Variants in CNTN4 observed in about 807,000 individuals in gnomAD.
CNTN4 encodes the protein contactin 4.
In CNTN4, 77 loss-of-function variants were observed where a neutral mutation model predicts 122.5. The ratio of observed to expected loss-of-function variants is 0.63; its 90% CI spans 0.52 to 0.76. The LOEUF (loss-of-function observed/expected upper bound fraction) is 0.76, where lower values mean the gene tolerates loss of function less well. Among genes scored for constraint, CNTN4 ranks in the 30% least tolerant of loss-of-function variants. CNTN4 has a pLI of 0.00. For missense variants in CNTN4, 1,256 were observed against 1,259.1 expected, an observed-to-expected ratio of 1.00 and a Z score of 0.04; for synonymous variants, 512 against 447.0, an observed-to-expected ratio of 1.15 and a Z score of -1.83.
At chr3:2,995,226 T>G (rs1695426992) in intron 14 of CNTN4, among the ~76,000 whole-genome samples, 1 of 151,948 alleles carries the variant, frequency 6.6e-6, no homozygotes, top group Middle Eastern at 3.2e-3. Flanking sequence ...TAATTGTGCA[T>G]CTTGTTCTTC....
chr3:2,230,392 A>C (rs2039439563), intron 2 of CNTN4, among the ~76,000 whole-genome samples: 1 of 152,230 alleles, frequency 6.6e-6, no homozygotes, highest in African/African-American at 2.4e-5. Flanking sequence ...AGAGGGACTC[A>C]GAAGGTTTAG....
intron 4 of CNTN4, among the ~76,000 whole-genome samples, chr3:2,686,470 C>G (rs1045604957): frequency 3.3e-5 from 5 of 152,078 alleles, no homozygotes; most frequent in Admixed American, 6.6e-5. Context: ...TTCCTCAGCT[C>G]CAAATCTCTA....
At chr3:2,669,865 A>C (rs1346408067) in intron 4 of CNTN4, among the ~76,000 whole-genome samples, 4 of 152,182 alleles carry the variant, frequency 2.6e-5, no homozygotes, top group Non-Finnish European at 5.9e-5. Flanking sequence ...GTAGTCATTC[A>C]GGAGCAGGTT....
intron 2 of CNTN4, among the ~76,000 whole-genome samples, chr3:2,316,730 C>A (rs918676849): frequency 8.5e-5 from 13 of 152,100 alleles, no homozygotes; most frequent in Non-Finnish European, 1.9e-4. Context: ...GAATATTAAT[C>A]TTAGATGGCA....
rs149856531 is a variant in CNTN4, at chr3:2,709,734, T to G, written c.56-26481T>G. On this transcript the variant is annotated intron_variant, in intron 4 of 24. Coordinates refer to ENST00000418658, the MANE Select transcript of CNTN4 (RefSeq NM_175607.3). The surrounding 1 kb of genome is among the most constrained non-coding windows in gnomAD (Gnocchi z 5.0). ...TTCAAAATCAGCCTGGCCAACATGG[T>G]GAAACCCTCTCTCTACTAAAAATAC... Among the ~76,000 whole-genome samples, 4 of 151,946 alleles carry G rather than the reference T, an allele frequency of 2.6e-5. No homozygotes were observed. Among genetic ancestry groups the G allele is most frequent in the African/African-American group, 9.7e-5 (4 of 41,374 alleles).
chr3:3,005,577 C>A (rs1031674296), intron 14 of CNTN4, among the ~76,000 whole-genome samples: 1 of 151,146 alleles, frequency 6.6e-6, no homozygotes, highest in East Asian at 1.9e-4. Flanking sequence ...TTCTGGAGGC[C>A]GTGGTCTAGA....
chr3:2,837,219 A>T (rs1390769675), intron 7 of CNTN4, among the ~76,000 whole-genome samples: 3 of 152,194 alleles, frequency 2.0e-5, no homozygotes, highest in African/African-American at 4.8e-5. Flanking sequence ...TTTTTGTACT[A>T]GCCTTTCGGG....
At chr3:2,104,710 G>A (rs1559244704) in intron 2 of CNTN4, among the ~76,000 whole-genome samples, 1 of 152,194 alleles carries the variant, frequency 6.6e-6, no homozygotes, top group Non-Finnish European at 1.5e-5. Context: ...GGGAAGCTGA[G>A]AAGTGGTGTC....
chr3:2,547,466 A>T (rs573638211), intron 3 of CNTN4, among the ~76,000 whole-genome samples: 3 of 152,168 alleles, frequency 2.0e-5, no homozygotes, highest in Admixed American at 6.6e-5. Flanking sequence ...GGGTTTCGCC[A>T]TGTTGGCCAG....
chr3:2,402,582 A>G (rs1423872471), intron 3 of CNTN4, among the ~76,000 whole-genome samples: 1 of 151,982 alleles, frequency 6.6e-6, no homozygotes, highest in Non-Finnish European at 1.5e-5. Context: ...TCTTTCAGTT[A>G]TTTTGAAATA....
chr3:2,877,402 C>G (rs1036530339), intron 8 of CNTN4, among the ~76,000 whole-genome samples: 1 of 152,166 alleles, frequency 6.6e-6, no homozygotes, highest in Non-Finnish European at 1.5e-5. Flanking sequence ...CTCTCTTACT[C>G]CAAAGAATAT....
chr3:2,192,520 T>G (rs1575049396), intron 2 of CNTN4, among the ~76,000 whole-genome samples: 1 of 151,908 alleles, frequency 6.6e-6, no homozygotes, highest in Non-Finnish European at 1.5e-5. Flanking sequence ...TGGGAGAAAA[T>G]TTTTGCAATC....
intron 6 of CNTN4, among the ~76,000 whole-genome samples, chr3:2,781,131 A>G (rs1576765718): frequency 1.3e-5 from 2 of 152,322 alleles, no homozygotes; most frequent in Non-Finnish European, 2.9e-5. Context: ...CCCTAAGACC[A>G]GTTGAAACAG....
At chr3:2,384,245 C>T (rs185778327) in intron 3 of CNTN4, among the ~76,000 whole-genome samples, 5 of 152,182 alleles carry the variant, frequency 3.3e-5, no homozygotes, top group Admixed American at 3.3e-4. Context: ...TAAACGTAGG[C>T]CCTGGTGTAC....
At chr3:2,793,296 CTAT>C in intron 6 of CNTN4, among the ~76,000 whole-genome samples, 1 of 151,996 alleles carries the variant, frequency 6.6e-6, no homozygotes, top group Non-Finnish European at 1.5e-5. Context: ...TTCATAAAGT[CTAT>C]TAATCTTTCT....
chr3:2,593,108 T>A (rs1207249824), intron 4 of CNTN4, among the ~76,000 whole-genome samples: 2 of 152,194 alleles, frequency 1.3e-5, no homozygotes, highest in African/African-American at 4.8e-5. Flanking sequence ...CCAACTAATT[T>A]TAATACACAC....
At chr3:2,658,898 T>C (rs991250656) in intron 4 of CNTN4, among the ~76,000 whole-genome samples, 3 of 151,478 alleles carry the variant, frequency 2.0e-5, no homozygotes, top group African/African-American at 7.3e-5. Flanking sequence ...CATGAATCCA[T>C]AAGAATAAAT....
chr3:2,836,759 A>G (rs2093233796), intron 7 of CNTN4, among the ~76,000 whole-genome samples: 1 of 127,036 alleles, frequency 7.9e-6, no homozygotes, highest in Admixed American at 9.7e-5. Flanking sequence ...GAGTAAAAAG[A>G]TACTTCTGGG....
chr3:2,127,616 C>T (rs941153703), intron 2 of CNTN4, among the ~76,000 whole-genome samples: 1 of 152,032 alleles, frequency 6.6e-6, no homozygotes, highest in African/African-American at 2.4e-5. Flanking sequence ...ACTTTTTACA[C>T]TCCTGCCAAG....
Sources: gnomAD v4.1 joint callset for allele counts (sites outside exome capture counted in the v4.1 genomes callset) on GRCh38, gnomAD v4.1.1 for gene constraint, Gnocchi (gnomAD v3.1) non-coding constraint, MANE v1.5 for transcripts, NCBI Gene and HGNC (gene_info 2026-07-23, HGNC 2026-07-21) for gene names.